GEMIN2: variants seen among roughly 807,000 people sequenced by gnomAD.
The protein encoded by GEMIN2 is gem-associated protein 2.
GEMIN2 carries 37 observed loss-of-function variants against 45.8 expected under a neutral mutation model. The ratio of observed to expected loss-of-function variants is 0.81; its 90% CI spans 0.62 to 1.06. GEMIN2 has a LOEUF of 1.06. Among genes scored for constraint, GEMIN2 ranks in the 50% least tolerant of loss-of-function variants. The pLI is 0.00. For synonymous variants in GEMIN2, 101 were observed against 111.5 expected (o/e 0.91, Z 0.60); for missense variants, 335 against 321.8 (o/e 1.04, Z -0.31).
rs539421611 is a variant in GEMIN2, at chr14:39,116,460, A to G, written c.223-1539A>G. Among the ~76,000 whole-genome samples the G allele has an allele frequency of 4.6e-4, 65 of 139,854 alleles. 1 individual carries two copies. The highest frequency in any genetic ancestry group is 7.9e-3 in the Middle Eastern group (2 of 254). The allele number at this position is 139,854 out of a possible 152,430, so 91.7% of individuals were successfully genotyped here. On this transcript the variant is annotated intron_variant, in intron 2 of 9. Transcript: ENST00000308317. ...GTCTCAGAGTCTCGCTCTGTCGCCC[A>G]GGCTGGAGTGCAGTGGCGCGATCTC...
At position 39,132,003 on chromosome 14, in the gene GEMIN2, T is replaced by C. The variant is rs749741243; in HGVS notation, c.646T>C (p.Leu216=). 1 of 1,606,988 alleles carries C rather than the reference T, an allele frequency of 6.2e-7. No individual in the cohort carries two copies. The highest frequency in any genetic ancestry group is 2.2e-5 in the East Asian group (1 of 44,848). The change falls in exon 8 of 10, where the codon TTA becomes CTA. Residue 216 remains leucine (L), a synonymous_variant. Coordinates refer to ENST00000308317, the MANE Select transcript of GEMIN2 (RefSeq NM_003616.3). ...ATTGGCTTGTCTTGAAAAGCCTTTG[T>C]TACCTGAGGCTCATTCACTGATTCG... The part of the protein sequence containing the change: ...ALLACLEKPL[L]PEAHSLIRQL...
intron 7 of GEMIN2, among the ~76,000 whole-genome samples, chr14:39,131,050 C>A (rs1407066869): frequency 6.6e-6 from 1 of 151,982 alleles, no homozygotes; most frequent in Non-Finnish European, 1.5e-5. Flanking sequence ...GTAATCTCAC[C>A]ACTTTGGGAG....
intron 3 of GEMIN2, 27 bp from the exon 4 acceptor site, chr14:39,118,513 T>C (rs1231634396): frequency 9.4e-7 from 1 of 1,064,332 alleles, no homozygotes; most frequent in South Asian, 1.3e-5. Context: ...AAGAGTACCA[T>C]CTAATGTCTA....
chr14:39,115,778 C>T (rs1022381279), intron 2 of GEMIN2, among the ~76,000 whole-genome samples: 1 of 151,976 alleles, frequency 6.6e-6, no homozygotes, highest in Admixed American at 6.6e-5. Flanking sequence ...GCTACTTGCA[C>T]ACTCTGGACA....
chr14:39,119,981 T>C (rs936465269), intron 4 of GEMIN2, among the ~76,000 whole-genome samples: 2 of 152,192 alleles, frequency 1.3e-5, no homozygotes, highest in Non-Finnish European at 2.9e-5. Flanking sequence ...GATGTATGTA[T>C]GTAGTAGGGA....
chr14:39,118,309 C>G (rs1274535084), intron 3 of GEMIN2, among the ~76,000 whole-genome samples: 1 of 152,024 alleles, frequency 6.6e-6, no homozygotes, highest in Non-Finnish European at 1.5e-5. Flanking sequence ...TTTTGGGGAA[C>G]AGGTGGTTTT....
intron 4 of GEMIN2, 24 bp from the exon 5 acceptor site, chr14:39,122,406 T>G: frequency 8.6e-7 from 1 of 1,156,828 alleles, no homozygotes; most frequent in Non-Finnish European, 1.3e-6. Flanking sequence ...CAGGAATAAA[T>G]CAGTTTTTTT....
At position 39,131,456 on chromosome 14, in the gene GEMIN2, A is replaced by T. The variant is rs929122000; in HGVS notation, c.601-502A>T. Among the ~76,000 whole-genome samples the T allele has an allele frequency of 3.0e-4, 46 of 152,166 alleles. 1 individual carries two copies. The highest frequency in any genetic ancestry group is 4.6e-4 in the Admixed American group (7 of 15,268). On this transcript the variant is annotated intron_variant, in intron 7 of 9. Coordinates refer to ENST00000308317, the MANE Select transcript of GEMIN2 (RefSeq NM_003616.3). Reference sequence around the variant, plus strand: ...AAATATGTATTCATTTTGTAGCTGAAAACCCCATTTTAAAAGGGAGTGGGG... The same window carrying T: ...AAATATGTATTCATTTTGTAGCTGATAACCCCATTTTAAAAGGGAGTGGGG...
In GEMIN2 at chr14:39,125,044, T is replaced by A. The variant is rs1461400353; in HGVS notation, c.531+8T>A. On this transcript the variant is annotated splice_region_variant and intron_variant, in intron 6 of 9. Transcript: ENST00000308317. ...GTTAGCAGAATGAATCAGGTAAAATTAATAATAGAGATATATGCATTCTTT... is the reference window on the plus strand; with the variant it reads ...GTTAGCAGAATGAATCAGGTAAAATAAATAATAGAGATATATGCATTCTTT... 3 of 1,302,372 alleles carry A rather than the reference T, an allele frequency of 2.3e-6. No homozygotes were observed. Among genetic ancestry groups the A allele is most frequent in the African/African-American group, 2.9e-5 (2 of 68,724 alleles). The allele number at this position is 1,302,372 out of a possible 1,614,324, so 80.7% of individuals were successfully genotyped here. A position where few individuals can be genotyped will look rare whatever the true frequency, so the allele number is the denominator to read the frequency against.
At chr14:39,129,474 C>T (rs146104740) in intron 7 of GEMIN2, among the ~76,000 whole-genome samples, 238 of 152,126 alleles carry the variant, frequency 1.6e-3, no homozygotes, top group African/African-American at 5.3e-3. Flanking sequence ...AGTGCAGTAG[C>T]GCGATCTCGG....
intron 2 of GEMIN2, among the ~76,000 whole-genome samples, chr14:39,116,588 T>G (rs2052510609): frequency 7.2e-6 from 1 of 139,060 alleles, no homozygotes; most frequent in Non-Finnish European, 1.5e-5. Flanking sequence ...TTTTAAATAG[T>G]TGATAGTAAT....
At chr14:39,130,770 C>T (rs2052705593) in intron 7 of GEMIN2, among the ~76,000 whole-genome samples, 1 of 151,788 alleles carries the variant, frequency 6.6e-6, no homozygotes, top group Non-Finnish European at 1.5e-5. Flanking sequence ...TGGCGGGCGC[C>T]TGTTGTCCCA....
chr14:39,123,708 A>ATATATATATATATT (rs1555333787), intron 5 of GEMIN2, among the ~76,000 whole-genome samples: 7 of 37,684 alleles, frequency 1.9e-4, no homozygotes, highest in South Asian at 1.3e-3. Flanking sequence ...ATATATATAT[A>ATATATATATATATT]TTTTTTTTTT....
rs1391296913 is a variant in GEMIN2 at position 39,118,604 on chromosome 14, G to C, written c.372+5G>C. 1.5e-6 allele frequency: 2 copies of C among 1,341,872 alleles called. No homozygotes were observed. Among genetic ancestry groups the C allele is most frequent in the Non-Finnish European group, 2.1e-6 (2 of 932,204 alleles). 83.1% of individuals were successfully genotyped at this position (1,341,872 alleles called of 1,614,324 possible). ...TTGGATAGTAATGTGACAATGGTAT[G>C]TAAGTTTCTCAGTTTTAAGATGTAC... On this transcript the variant is annotated splice_donor_5th_base_variant and intron_variant, in intron 4 of 9. Coordinates refer to ENST00000308317, the MANE Select transcript of GEMIN2 (RefSeq NM_003616.3).
chr14:39,119,174 T>C (rs1465678074), intron 4 of GEMIN2, among the ~76,000 whole-genome samples: 1 of 152,184 alleles, frequency 6.6e-6, no homozygotes, highest in Non-Finnish European at 1.5e-5. Context: ...ATTTACTTTC[T>C]AGGAAATAAA....
intron 4 of GEMIN2, among the ~76,000 whole-genome samples, chr14:39,121,458 C>T (rs771440495): frequency 6.6e-6 from 1 of 152,070 alleles, no homozygotes; most frequent in Non-Finnish European, 1.5e-5. Context: ...TATTTGAGCC[C>T]GAGATTCAGG....
intron 6 of GEMIN2, 96 bp downstream of exon 6, chr14:39,125,132 C>A: frequency 1.5e-6 from 1 of 689,478 alleles, no homozygotes; most frequent in Non-Finnish European, 2.6e-6. Context: ...TTACAGTATG[C>A]AAGACTTTGT....
chr14:39,126,121 T>A (rs2052637925), intron 6 of GEMIN2, among the ~76,000 whole-genome samples: 1 of 152,096 alleles, frequency 6.6e-6, no homozygotes, highest in African/African-American at 2.4e-5. Flanking sequence ...GGACTCTTAT[T>A]CATTTAAAAA....
intron 8 of GEMIN2, among the ~76,000 whole-genome samples, chr14:39,133,331 A>G (rs1453360214): frequency 6.7e-6 from 1 of 148,450 alleles, no homozygotes; most frequent in East Asian, 1.9e-4. Flanking sequence ...ATATATATAT[A>G]TATTCATCAC....
Sources: gnomAD v4.1 joint callset for allele counts (sites outside exome capture counted in the v4.1 genomes callset) on GRCh38, gnomAD v4.1.1 for gene constraint, MANE v1.5 for transcripts, NCBI Gene and HGNC (gene_info 2026-07-23, HGNC 2026-07-21) for gene names.